Variants in SHANK2 observed in about 807,000 individuals in gnomAD.
The protein encoded by SHANK2 is SH3 and multiple ankyrin repeat domains protein 2.
SHANK2 carries 43 observed loss-of-function variants against 133.7 expected under a neutral mutation model. That is an observed-to-expected ratio of 0.32 (90% CI 0.25 to 0.41). The LOEUF is 0.41. Ranked by LOEUF, SHANK2 falls within the 10% of genes least tolerant of loss-of-function variation. The pLI, the probability that SHANK2 is intolerant of heterozygous loss-of-function variation, is 1.00. For synonymous variants in SHANK2, 1,017 were observed against 952.8 expected (o/e 1.07, Z -1.24); for missense variants, 1,994 against 2,235.8 (o/e 0.89, Z 2.18).
intron 9 of SHANK2, among the ~76,000 whole-genome samples, chr11:71,066,155 G>GT: frequency 2.9e-5 from 1 of 34,678 alleles, no homozygotes; most frequent in African/African-American, 1.3e-4. Context: ...GGGTGGGGGG[G>GT]GTGCAGAACT....
At chr11:70,672,346 G>A (rs560774171) in intron 15 of SHANK2, among the ~76,000 whole-genome samples, 9 of 152,288 alleles carry the variant, frequency 5.9e-5, no homozygotes, top group African/African-American at 1.4e-4. Context: ...TTACAGGCGT[G>A]AGCCACCGCA....
intron 2 of SHANK2, among the ~76,000 whole-genome samples, chr11:71,203,974 G>T (rs1456810755): frequency 2.6e-5 from 4 of 152,140 alleles, no homozygotes; most frequent in Non-Finnish European, 4.4e-5. Flanking sequence ...GGTCTCTCCT[G>T]GACTCTGCCC....
chr11:70,935,330 A>C (rs1950557552), intron 10 of SHANK2, among the ~76,000 whole-genome samples: 1 of 152,030 alleles, frequency 6.6e-6, no homozygotes, highest in Admixed American at 6.5e-5. Flanking sequence ...TCTGGCATCC[A>C]CCCAGGTCCT....
At chr11:71,086,258 TTA>T (rs1159886554) in intron 8 of SHANK2, among the ~76,000 whole-genome samples, 11,559 of 32,982 alleles carry the variant, frequency 0.35, 4,059 homozygotes, top group Non-Finnish European at 0.39. Context: ...GTTATATATG[TTA>T]TATATTATAT....
chr11:70,825,285 AT>A (rs1487597604), intron 11 of SHANK2, among the ~76,000 whole-genome samples: 11 of 152,174 alleles, frequency 7.2e-5, no homozygotes, highest in African/African-American at 2.7e-4. Flanking sequence ...CCCAACTGAA[AT>A]TTTCATGCTG....
intron 17 of SHANK2, among the ~76,000 whole-genome samples, chr11:70,526,515 G>C (rs1385479010): frequency 6.6e-6 from 1 of 152,182 alleles, no homozygotes; most frequent in Non-Finnish European, 1.5e-5. Flanking sequence ...TACCATGCAT[G>C]TGTGCTCAGC....
chr11:70,550,267 C>T (rs1486381013), intron 17 of SHANK2, among the ~76,000 whole-genome samples: 1 of 152,168 alleles, frequency 6.6e-6, no homozygotes, highest in Non-Finnish European at 1.5e-5. Flanking sequence ...CGACCTCAGC[C>T]TCCTTACAGC....
intron 11 of SHANK2, among the ~76,000 whole-genome samples, chr11:70,896,001 G>T (rs534945920): frequency 8.5e-5 from 13 of 152,108 alleles, no homozygotes; most frequent in African/African-American, 3.1e-4. Context: ...AGCCTACAGT[G>T]TCACTCGAAG....
Position 70,472,277 on chromosome 11 carries a change from A to G in SHANK2, c.*592T>C, listed in dbSNP as rs2058605034. 1.3e-5 allele frequency: 2 copies of G among 155,296 alleles called. No individual in the cohort carries two copies. The highest frequency in any genetic ancestry group is 2.9e-5 in the Non-Finnish European group (2 of 70,034). The allele number at this position is 155,296 out of a possible 1,614,324, so 9.6% of individuals were successfully genotyped here. Reference sequence around the variant, plus strand: ...CAAACCACAGGAGGAGATGGGGAAAAGAATCTGTGTAGGAAAAAGTTTCTC... The same window carrying G: ...CAAACCACAGGAGGAGATGGGGAAAGGAATCTGTGTAGGAAAAAGTTTCTC... On this transcript the variant is annotated 3_prime_UTR_variant, in exon 26 of 26. Transcript: ENST00000601538. This position sits in a 1 kb window ranked among gnomAD's most constrained non-coding sequence, Gnocchi z 4.4.
intron 1 of SHANK2, among the ~76,000 whole-genome samples, chr11:71,231,463 T>C (rs963337054): frequency 2.0e-5 from 3 of 152,226 alleles, no homozygotes; most frequent in Admixed American, 2.0e-4. Context: ...ATCTTACACG[T>C]TGCTGGTGGA....
intron 17 of SHANK2, among the ~76,000 whole-genome samples, chr11:70,572,774 A>T (rs1591596595): frequency 6.6e-6 from 1 of 152,164 alleles, no homozygotes; most frequent in Non-Finnish European, 1.5e-5. Flanking sequence ...GGCCCAGGAG[A>T]GGCTGACCCG....
chr11:70,815,270 G>A (rs12286586), intron 12 of SHANK2, among the ~76,000 whole-genome samples: 5,748 of 150,388 alleles, frequency 0.038, 423 homozygotes, highest in African/African-American at 0.13. Context: ...AGGGAGGAAG[G>A]AAGAACACAG....
At chr11:71,170,990 C>T (rs139412563) in intron 2 of SHANK2, among the ~76,000 whole-genome samples, 7 of 152,310 alleles carry the variant, frequency 4.6e-5, no homozygotes, top group South Asian at 2.1e-4. Context: ...GGGGACTGGG[C>T]GTCCAAGATC....
At chr11:70,792,138 ATCAG>A (rs1465199458) in intron 14 of SHANK2, among the ~76,000 whole-genome samples, 1 of 151,708 alleles carries the variant, frequency 6.6e-6, no homozygotes, top group African/African-American at 2.4e-5. Flanking sequence ...CAACTAACCA[ATCAG>A]TCAGTCAGCC....
intron 17 of SHANK2, among the ~76,000 whole-genome samples, chr11:70,628,818 G>T (rs970098638): frequency 2.2e-4 from 33 of 152,316 alleles, no homozygotes; most frequent in African/African-American, 7.5e-4. Context: ...AGAGTCTCTT[G>T]ACTAGGGGAG....
chr11:71,065,167 A>G (rs1951032788), intron 9 of SHANK2, among the ~76,000 whole-genome samples: 1 of 152,188 alleles, frequency 6.6e-6, no homozygotes, highest in African/African-American at 2.4e-5. Context: ...TGTCAGTGAG[A>G]CAACAGCCAT....
intron 11 of SHANK2, among the ~76,000 whole-genome samples, chr11:70,889,082 G>T (rs1416334045): frequency 6.6e-6 from 1 of 152,188 alleles, no homozygotes; most frequent in Non-Finnish European, 1.5e-5. Flanking sequence ...CTAATCCGTG[G>T]GACCTAAACT....
intron 14 of SHANK2, among the ~76,000 whole-genome samples, chr11:70,773,967 C>T (rs942852603): frequency 1.4e-4 from 22 of 152,162 alleles, no homozygotes; most frequent in African/African-American, 3.4e-4. Context: ...CTAGCAATTC[C>T]GCTCCTAGAT....
rs59991316 is a variant in SHANK2, at chr11:70,473,473, G to A, written c.4980-34C>T. On this transcript the variant is annotated intron_variant, in intron 25 of 25. Transcript: ENST00000601538. The surrounding 1 kb of genome is among the most constrained non-coding windows in gnomAD (Gnocchi z 5.9). Reference sequence around the variant, plus strand: ...GCAACACAGAGAAAACCATCACAAGGCAGGTCACCGAGTCAGGGCAGCTGG... The same window carrying A: ...GCAACACAGAGAAAACCATCACAAGACAGGTCACCGAGTCAGGGCAGCTGG... 5.5e-3 allele frequency: 8,809 copies of A among 1,596,056 alleles called. 402 individuals carry two copies. The African/African-American group carries it at 0.1, about 19-fold the overall frequency.
Sources: gnomAD v4.1 joint callset for allele counts (sites outside exome capture counted in the v4.1 genomes callset) on GRCh38, gnomAD v4.1.1 for gene constraint, Gnocchi (gnomAD v3.1) non-coding constraint, MANE v1.5 for transcripts, NCBI Gene and HGNC (gene_info 2026-07-23, HGNC 2026-07-21) for gene names.